MAD2L1: variants seen among roughly 807,000 people sequenced by gnomAD.
MAD2L1 encodes mitotic spindle assembly checkpoint protein MAD2A.
In MAD2L1, 10 loss-of-function variants were observed where a neutral mutation model predicts 25.9. The observed-to-expected ratio is 0.39, with a 90% CI of 0.24 to 0.66. MAD2L1 has a LOEUF of 0.66. MAD2L1 is among the 30% of genes least tolerant of loss of function. The pLI, the probability that MAD2L1 is intolerant of heterozygous loss-of-function variation, is 0.49. For synonymous variants in MAD2L1, 81 were observed against 91.8 expected (o/e 0.88, Z 0.67); for missense variants, 180 against 246.4 (o/e 0.73, Z 1.80).
Position 120,057,854 on chromosome 4 carries a change from G to A in MAD2L1, c.*2264C>T, listed in dbSNP as rs1431082805. ...TGGCTCCCACTCAGCTCCAAAATGT[G>A]TATTTCTTTTTTATTTATTATTTTT... On this transcript the variant is annotated 3_prime_UTR_variant, in exon 5 of 5. Coordinates refer to ENST00000296509, the MANE Select transcript of MAD2L1 (RefSeq NM_002358.4). 1 of 152,126 alleles carries A rather than the reference G, an allele frequency of 6.6e-6. No homozygotes were observed. Among genetic ancestry groups the A allele is most frequent in the African/African-American group, 2.4e-5 (1 of 41,416 alleles). The allele number at this position is 152,126 out of a possible 1,614,324, so 9.4% of individuals were successfully genotyped here.
Position 120,060,123 on chromosome 4 carries a change from C to A in MAD2L1, c.613G>T (p.Asp205Tyr). ...TTATTTTCCTCATGTCATCCTCAGT[C>A]ATTGACAGGAATTTTGTAGGCCACC... Reference protein sequence around the residue: ...SMVAYKIPVND With the variant: ...SMVAYKIPVNY Residue 205 changes from aspartate (D) to tyrosine (Y), a missense_variant, in exon 5 of 5, where the codon GAC becomes TAC. Transcript: ENST00000296509. 2 of 1,598,664 alleles carry A rather than the reference C, an allele frequency of 1.3e-6. No individual in the cohort carries two copies. The highest frequency in any genetic ancestry group is 1.1e-5 in the South Asian group (1 of 89,328).
Position 120,056,979 on chromosome 4 carries a change from G to A in MAD2L1, c.*3139C>T, listed in dbSNP as rs1242482508. ...TTTACAAGTGAGCTTTAAATATTAC[G>A]GTATCAAATGCTCTGAACTAGGGAG... On this transcript the variant is annotated 3_prime_UTR_variant, in exon 5 of 5. Transcript: ENST00000296509. 3 of 152,162 alleles carry A rather than the reference G, an allele frequency of 2.0e-5. No homozygotes were observed. Among genetic ancestry groups the A allele is most frequent in the African/African-American group, 4.8e-5 (2 of 41,458 alleles). 9.4% of individuals were successfully genotyped at this position (152,162 alleles called of 1,614,324 possible). A position where few individuals can be genotyped will look rare whatever the true frequency, so the allele number is the denominator to read the frequency against.
Position 120,066,812 on chromosome 4 carries a change from C to A in MAD2L1, c.-78G>T. Reference sequence around the variant, plus strand: ...AGCGGCTCCAACAGCACTTCCCCGCCAAGCGTTTCAAAAGTAACGACGCAG... The same window carrying A: ...AGCGGCTCCAACAGCACTTCCCCGCAAAGCGTTTCAAAAGTAACGACGCAG... On this transcript the variant is annotated 5_prime_UTR_variant, in exon 1 of 5. Transcript: ENST00000296509. The A allele has an allele frequency of 9.2e-7, 1 of 1,087,516 alleles. No individual in the cohort carries two copies. Among genetic ancestry groups the A allele is most frequent in the Non-Finnish European group, 1.4e-6 (1 of 725,520 alleles). 67.4% of individuals were successfully genotyped at this position (1,087,516 alleles called of 1,614,324 possible).
chr4:120,062,979 AG>A (rs1322024793), intron 2 of MAD2L1, among the ~76,000 whole-genome samples: 4 of 152,222 alleles, frequency 2.6e-5, no homozygotes, highest in Non-Finnish European at 5.9e-5. Context: ...CACGATAGTA[AG>A]GAAGAAGCAT....
rs1208348122 is a variant in MAD2L1, at chr4:120,057,333, T to G, written c.*2785A>C. ...TTCCTGGTCCCATTAAAGTTAGGCT[T>G]GACCTTCACTTGCTTTGGTCAGTGT... On this transcript the variant is annotated 3_prime_UTR_variant, in exon 5 of 5. Transcript: ENST00000296509. The G allele has an allele frequency of 6.6e-6, 1 of 152,244 alleles. No homozygotes were observed. The highest frequency in any genetic ancestry group is 1.9e-4 in the East Asian group (1 of 5,186). The allele number at this position is 152,244 out of a possible 1,614,324, so 9.4% of individuals were successfully genotyped here.
At chr4:120,062,509 A>C (rs1726239630) in intron 2 of MAD2L1, among the ~76,000 whole-genome samples, 1 of 152,216 alleles carries the variant, frequency 6.6e-6, no homozygotes, top group South Asian at 2.1e-4. Flanking sequence ...GTTTAGCTCT[A>C]GGGATAAACA....
chr4:120,055,658 A>AGATGTTC lies in MAD2L1; in HGVS notation c.*4459_*4460insGAACATC, dbSNP rs2110506402. 1 of 152,282 alleles carries AGATGTTC rather than the reference A, an allele frequency of 6.6e-6. No individual in the cohort carries two copies. Among genetic ancestry groups the AGATGTTC allele is most frequent in the Non-Finnish European group, 1.5e-5 (1 of 68,016 alleles). 9.4% of individuals were successfully genotyped at this position (152,282 alleles called of 1,614,324 possible). A position where few individuals can be genotyped will look rare whatever the true frequency, so the allele number is the denominator to read the frequency against. On this transcript the variant is annotated 3_prime_UTR_variant, in exon 5 of 5. Transcript: ENST00000296509. ...TAAACTTTTATCAGTCACATTGAAC[A>AGATGTTC]AAATAACTAGAAATATTTCATACAT...
chr4:120,066,525 T>A, intron 1 of MAD2L1, 137 bp downstream of exon 1: 1 of 693,968 alleles, frequency 1.4e-6, no homozygotes, highest in Non-Finnish European at 2.4e-6. Flanking sequence ...CAGCTCCACG[T>A]TAGCAACGCG....
At chr4:120,062,716 T>C (rs1726244542) in intron 2 of MAD2L1, among the ~76,000 whole-genome samples, 1 of 152,210 alleles carries the variant, frequency 6.6e-6, no homozygotes. Context: ...AAAAAATATA[T>C]ACTTCAAGAC....
chr4:120,056,621 C>A lies in MAD2L1; in HGVS notation c.*3497G>T, dbSNP rs894474395. ...CTATATGCTAAAATATATAGGAAGT[C>A]AGTATAATTAGCATTATACTAATAA... On this transcript the variant is annotated 3_prime_UTR_variant, in exon 5 of 5. Transcript: ENST00000296509. 1.3e-5 allele frequency: 2 copies of A among 152,120 alleles called. No homozygotes were observed. Among genetic ancestry groups the A allele is most frequent in the African/African-American group, 4.8e-5 (2 of 41,410 alleles). The allele number at this position is 152,120 out of a possible 1,614,324, so 9.4% of individuals were successfully genotyped here.
In MAD2L1 at chr4:120,057,475, A is replaced by G. The variant is rs1180117559; in HGVS notation, c.*2643T>C. ...TATACCTCTGCACAAGCATTCTCAC[A>G]GAGGTTTGACTTCTCTGATTGATGA... On this transcript the variant is annotated 3_prime_UTR_variant, in exon 5 of 5. Coordinates refer to ENST00000296509, the MANE Select transcript of MAD2L1 (RefSeq NM_002358.4). 6.6e-6 allele frequency: 1 copy of G among 152,330 alleles called. No homozygotes were observed. The highest frequency in any genetic ancestry group is 1.5e-5 in the Non-Finnish European group (1 of 68,114). 9.4% of individuals were successfully genotyped at this position (152,330 alleles called of 1,614,324 possible).
chr4:120,066,696 C>A lies in MAD2L1; in HGVS notation c.39G>T (p.Leu13=), dbSNP rs757054374. 1 of 1,604,032 alleles carries A rather than the reference C, an allele frequency of 6.2e-7. No homozygotes were observed. Among genetic ancestry groups the A allele is most frequent in the Non-Finnish European group, 8.5e-7 (1 of 1,173,240 alleles). The part of the protein sequence containing the change: ...LQLSREQGIT[L]RGSAEIVAEF... ...CGGCCACGATTTCGGCGCTCCCGCG[C>A]AGGGTGATTCCCTGCTCCCGGGAGA... Residue 13 remains leucine, a synonymous_variant, in exon 1 of 5, where the codon CTG becomes CTT. Transcript: ENST00000296509.
chr4:120,063,360 G>A (rs1207615710), intron 2 of MAD2L1, among the ~76,000 whole-genome samples: 1 of 152,168 alleles, frequency 6.6e-6, no homozygotes. Flanking sequence ...CGAAGTTTTT[G>A]TAAAGAAACA....
chr4:120,066,571 T>G, intron 1 of MAD2L1, 91 bp downstream of exon 1: 1 of 1,186,578 alleles, frequency 8.4e-7, no homozygotes, highest in Non-Finnish European at 1.2e-6. Flanking sequence ...TCTCCCCAGA[T>G]TACTTCTCTG....
In MAD2L1 at chr4:120,056,538, C is replaced by T. The variant is rs1726113045; in HGVS notation, c.*3580G>A. On this transcript the variant is annotated 3_prime_UTR_variant, in exon 5 of 5. Transcript: ENST00000296509. ...ATAAATTTTACATACTAAATGAAAA[C>T]AAGATGAAGAAATGGTCTATGAAGT... is the stretch of plus-strand genomic sequence containing the variant. The T allele has an allele frequency of 6.6e-6, 1 of 152,046 alleles. No homozygotes were observed. The highest frequency in any genetic ancestry group is 2.1e-4 in the South Asian group (1 of 4,820). 9.4% of individuals were successfully genotyped at this position (152,046 alleles called of 1,614,324 possible).
Position 120,060,208 on chromosome 4 carries a change from G to C in MAD2L1, c.528C>G (p.Thr176=). The C allele has an allele frequency of 6.2e-7, 1 of 1,612,544 alleles. No homozygotes were observed. Among genetic ancestry groups the C allele is most frequent in the Non-Finnish European group, 8.5e-7 (1 of 1,179,232 alleles). Residue 176 remains threonine, a synonymous_variant, in exon 5 of 5, where the codon ACC becomes ACG. Transcript: ENST00000296509. The stretch of plus-strand genomic sequence containing the variant: ...AACGAAGGCGGACTTCCTCAGAATT[G>C]GTAATAAACTGTGGTCCCGACTCTT... ...KWEESGPQFI[T]NSEEVRLRSF...
At chr4:120,066,601 G>A in intron 1 of MAD2L1, 61 bp downstream of exon 1, 2 of 1,449,902 alleles carry the variant, frequency 1.4e-6, no homozygotes, top group Non-Finnish European at 9.6e-7. Context: ...GCCGAGCTGT[G>A]GGCCTACTGA....
At chr4:120,062,152 C>T in intron 2 of MAD2L1, 57 bp from the exon 3 acceptor site, 1 of 1,537,840 alleles carries the variant, frequency 6.5e-7, no homozygotes, top group Non-Finnish European at 8.8e-7. Flanking sequence ...TAAAGTAGCT[C>T]TCTTCTCGGG....
Position 120,066,797 on chromosome 4 carries a change from A to C in MAD2L1, c.-63T>G. The C allele has an allele frequency of 8.2e-7, 1 of 1,215,834 alleles. No individual in the cohort carries two copies. Among genetic ancestry groups the C allele is most frequent in the Non-Finnish European group, 1.2e-6 (1 of 832,752 alleles). The allele number at this position is 1,215,834 out of a possible 1,614,324, so 75.3% of individuals were successfully genotyped here. ...GCGGACAGCAACCACAGCGGCTCCA[A>C]CAGCACTTCCCCGCCAAGCGTTTCA... On this transcript the variant is annotated 5_prime_UTR_variant, in exon 1 of 5. Coordinates refer to ENST00000296509, the MANE Select transcript of MAD2L1 (RefSeq NM_002358.4).
Sources: gnomAD v4.1 joint callset for allele counts (sites outside exome capture counted in the v4.1 genomes callset) on GRCh38, gnomAD v4.1.1 for gene constraint, MANE v1.5 for transcripts, NCBI Gene and HGNC (gene_info 2026-07-23, HGNC 2026-07-21) for gene names.